KCNMA1: variants seen among roughly 807,000 people sequenced by gnomAD.
KCNMA1 encodes the protein potassium calcium-activated channel subfamily M alpha 1.
In KCNMA1, 29 loss-of-function variants were observed where a neutral mutation model predicts 140.0. That is an observed-to-expected ratio of 0.21 (90% CI 0.15 to 0.28). The LOEUF (loss-of-function observed/expected upper bound fraction) is 0.28. Among genes scored for constraint, KCNMA1 ranks in the 10% least tolerant of loss-of-function variants. The probability of loss-of-function intolerance (pLI) is 1.00; values close to 1 mark genes in which losing one functional copy is unlikely to be tolerated. For synonymous variants in KCNMA1, 612 were observed against 611.9 expected, an observed-to-expected ratio of 1.00 and a Z score of 0.00; for missense variants, 880 against 1,602.2, an observed-to-expected ratio of 0.55 and a Z score of 7.70.
At chr10:77,564,544 C>T (rs1022001254) in intron 1 of KCNMA1, among the ~76,000 whole-genome samples, 3 of 152,148 alleles carry the variant, frequency 2.0e-5, no homozygotes, top group Non-Finnish European at 4.4e-5. Context: ...GATCACACCA[C>T]TGTACTCCAG....
intron 1 of KCNMA1, among the ~76,000 whole-genome samples, chr10:77,448,879 G>T (rs749898299): frequency 3.3e-5 from 5 of 152,080 alleles, no homozygotes; most frequent in Admixed American, 6.6e-5. Flanking sequence ...ACGAGGTCAG[G>T]AGATCGAGAC....
At chr10:77,149,446 C>G (rs755548837) in intron 5 of KCNMA1, among the ~76,000 whole-genome samples, 2 of 152,160 alleles carry the variant, frequency 1.3e-5, no homozygotes, top group African/African-American at 2.4e-5. Context: ...GGCTGTGTGA[C>G]TTGTCTCCTT....
chr10:77,416,979 C>T (rs2096755771), intron 1 of KCNMA1, among the ~76,000 whole-genome samples: 1 of 152,152 alleles, frequency 6.6e-6, no homozygotes. Context: ...CTGAGGCTGC[C>T]GGCTGCCCTC....
intron 5 of KCNMA1, among the ~76,000 whole-genome samples, chr10:77,163,325 T>C (rs886179770): frequency 2.0e-5 from 3 of 152,236 alleles, no homozygotes; most frequent in African/African-American, 7.2e-5. Context: ...TGCCTATGGC[T>C]GCTTTCATGC....
intron 3 of KCNMA1, among the ~76,000 whole-genome samples, chr10:77,248,883 T>A (rs968718173): frequency 2.0e-5 from 3 of 152,216 alleles, no homozygotes; most frequent in African/African-American, 7.2e-5. Flanking sequence ...CCAAGGAAGA[T>A]GGAAAACTCC....
intron 5 of KCNMA1, among the ~76,000 whole-genome samples, chr10:77,179,288 C>A (rs918637279): frequency 6.6e-6 from 1 of 152,180 alleles, no homozygotes; most frequent in Admixed American, 6.6e-5. Flanking sequence ...CAGAGCTGAG[C>A]TTTAATCTAC....
intron 2 of KCNMA1, among the ~76,000 whole-genome samples, chr10:77,251,915 C>T (rs914073819): frequency 6.6e-6 from 1 of 152,176 alleles, no homozygotes; most frequent in African/African-American, 2.4e-5. Context: ...CACAAATTTG[C>T]TCGTACAAAT....
chr10:77,397,160 G>A (rs1205709922), intron 2 of KCNMA1, among the ~76,000 whole-genome samples: 1 of 151,946 alleles, frequency 6.6e-6, no homozygotes, highest in East Asian at 1.9e-4. Flanking sequence ...ATTTATCTTT[G>A]TGTGTGTATC....
intron 3 of KCNMA1, among the ~76,000 whole-genome samples, chr10:77,228,127 G>A (rs2052206712): frequency 6.6e-6 from 1 of 151,968 alleles, no homozygotes. Flanking sequence ...ACCACGCCTG[G>A]CTAATTTTTA....
chr10:77,499,990 G>A lies in KCNMA1; in HGVS notation c.379-95967C>T, dbSNP rs373333554. ...GAAGAAAAATTATTTATCTTACGTG[G>A]CAAGGAGTAAGAGGCTATTTCACTC... On this transcript the variant is annotated intron_variant, in intron 1 of 27. Coordinates refer to ENST00000286628, the MANE Select transcript of KCNMA1 (RefSeq NM_001161352.2). Among the ~76,000 whole-genome samples, 6 of 152,108 alleles carry A rather than the reference G, an allele frequency of 3.9e-5. No individual in the cohort carries two copies. The East Asian group carries it at 9.6e-4, about 24-fold the overall frequency.
chr10:77,086,655 G>A, intron 10 of KCNMA1, 62 bp from the exon 11 acceptor site: 1 of 1,151,590 alleles, frequency 8.7e-7, no homozygotes, highest in Non-Finnish European at 1.3e-6. Context: ...AGCCTCCATG[G>A]GCTCCTTCCT....
chr10:76,887,455 G>A lies in KCNMA1; in HGVS notation c.3522C>T (p.Cys1174=), dbSNP rs763465271. The stretch of plus-strand genomic sequence containing the variant: ...CGGCATTGTGGTCAAACTGCATTAA[G>A]CAGAAGATCAGGTCCGTCGGCACGA... The part of the protein sequence containing the change: ...FELVPTDLIF[C]LMQFDHNAGQ... The change falls in exon 28 of 28, where the codon TGC becomes TGT. Residue 1174 remains cysteine, a synonymous_variant. Coordinates refer to ENST00000286628, the MANE Select transcript of KCNMA1 (RefSeq NM_001161352.2). 5 of 1,614,024 alleles carry A rather than the reference G, an allele frequency of 3.1e-6. No individual in the cohort carries two copies. The highest frequency in any genetic ancestry group is 1.3e-5 in the African/African-American group (1 of 74,910).
chr10:77,144,643 AC>A (rs1162535030), intron 5 of KCNMA1, among the ~76,000 whole-genome samples: 1 of 152,200 alleles, frequency 6.6e-6, no homozygotes, highest in Non-Finnish European at 1.5e-5. Context: ...CTCCCTGTCA[AC>A]AGAGATACTC....
chr10:77,063,342 G>A (rs1193132981), intron 14 of KCNMA1, among the ~76,000 whole-genome samples: 2 of 152,042 alleles, frequency 1.3e-5, no homozygotes, highest in Admixed American at 1.3e-4. Flanking sequence ...GAACCTGGGG[G>A]CTGCAGCGGC....
Position 76,975,492 on chromosome 10 carries a change from T to A in KCNMA1, c.2267-5425A>T, listed in dbSNP as rs551611217. 59 of 152,310 alleles carry A rather than the reference T, an allele frequency of 3.9e-4. No individual in the cohort carries two copies. In the South Asian group the frequency reaches 0.012, roughly 31 times the overall value. 9.4% of individuals were successfully genotyped at this position (152,310 alleles called of 1,614,324 possible). On this transcript the variant is annotated intron_variant, in intron 19 of 27. Transcript: ENST00000286628. ...CAGCTGAACAACCCATACTGTGAATTTGGTAGTATGATTCCTGTAAAGGAG... is the reference window on the plus strand; with the variant it reads ...CAGCTGAACAACCCATACTGTGAATATGGTAGTATGATTCCTGTAAAGGAG...
intron 7 of KCNMA1, among the ~76,000 whole-genome samples, chr10:77,112,060 C>T (rs2153887979): frequency 6.6e-6 from 1 of 152,326 alleles, no homozygotes; most frequent in South Asian, 2.1e-4. Flanking sequence ...GCTTAGGAAG[C>T]ACTGCCATCT....
chr10:77,185,041 T>C (rs1236515093), intron 3 of KCNMA1, 125 bp from the exon 4 acceptor site: 1 of 734,988 alleles, frequency 1.4e-6, no homozygotes, highest in Non-Finnish European at 2.5e-6. Context: ...AAAGAAAACA[T>C]TTGGTCTTTC....
rs777595748 is a variant in KCNMA1 at position 76,887,399 on chromosome 10, G to A, written c.3578C>T (p.Ser1193Phe). Residue 1193 changes from serine (S) to phenylalanine (F), a missense_variant, in exon 28 of 28, where the codon TCC becomes TTC. Physicochemically the swap from Ser to Phe is radical, Grantham distance 155. Around this residue, in one of 13 missense-constraint regions of KCNMA1, gnomAD observed 115 missense variants for 139.9 expected, o/e 0.82. Transcript: ENST00000286628. ...GQSRASLSHS[S>F]HSSQSSSKKS... ...CTTGCTGGAGGACTGCGACGAGTGG[G>A]AGGAATGGGACAGGCTGGCCCGGGA... 4 of 1,614,194 alleles carry A rather than the reference G, an allele frequency of 2.5e-6. No individual in the cohort carries two copies. The Admixed American group carries it at 5.0e-5, about 20-fold the overall frequency.
At chr10:77,255,493 G>A (rs12415149) in intron 2 of KCNMA1, among the ~76,000 whole-genome samples, 66,906 of 151,892 alleles carry the variant, frequency 0.44, 15,069 homozygotes, top group East Asian at 0.57. Context: ...CCAGCTACTT[G>A]GGAAGTTGAA....
Sources: allele counts gnomAD v4.1 joint callset (sites outside exome capture counted in the v4.1 genomes callset), GRCh38; gene constraint gnomAD v4.1.1; regional missense constraint gnomAD v4.1.1; transcripts MANE v1.5; gene names NCBI Gene and HGNC (gene_info 2026-07-23, HGNC 2026-07-21).